The following SHISA9 variants were observed in gnomAD, a reference collection of about 807,000 sequenced individuals.
SHISA9 encodes shisa family member 9.
SHISA9 carries 13 observed loss-of-function variants against 38.0 expected under a neutral mutation model. That is an observed-to-expected ratio of 0.34 (90% CI 0.22 to 0.54). The LOEUF is 0.54. SHISA9 is among the 20% of genes least tolerant of loss of function. SHISA9 has a pLI of 0.91. For synonymous variants in SHISA9, 275 were observed against 242.0 expected (o/e 1.14, Z -1.27); for missense variants, 538 against 575.8 (o/e 0.93, Z 0.67).
intron 2 of SHISA9, among the ~76,000 whole-genome samples, chr16:13,043,688 C>T (rs961742425): frequency 6.6e-6 from 1 of 152,196 alleles, no homozygotes; most frequent in Non-Finnish European, 1.5e-5. Flanking sequence ...TGATCTGATG[C>T]TCAGTAGTCC....
At chr16:13,429,357 G>A in the SHISA9 span, among the ~76,000 whole-genome samples, 1 of 152,062 alleles carries the variant, frequency 6.6e-6, no homozygotes, top group Non-Finnish European at 1.5e-5. Context: ...GGGCTGTAAG[G>A]GAAAATGTAT....
chr16:13,196,356 C>A (rs1458575230), intron 2 of SHISA9, among the ~76,000 whole-genome samples: 15 of 146,614 alleles, frequency 1.0e-4, no homozygotes, highest in Non-Finnish European at 1.8e-4. Flanking sequence ...GAGATTGCAC[C>A]ACTGCACTCC....
chr16:13,033,052 C>A (rs2073010726), intron 2 of SHISA9, among the ~76,000 whole-genome samples: 1 of 152,128 alleles, frequency 6.6e-6, no homozygotes, highest in Admixed American at 6.5e-5. Context: ...CAGATGGTGG[C>A]CAGAATTTCC....
chr16:13,368,872 C>T, the SHISA9 span, among the ~76,000 whole-genome samples: 2 of 151,932 alleles, frequency 1.3e-5, no homozygotes, highest in African/African-American at 2.4e-5. Context: ...AGTAAGTATA[C>T]AGTGTATAAA....
intron 2 of SHISA9, among the ~76,000 whole-genome samples, chr16:12,992,212 A>G (rs905342403): frequency 6.6e-6 from 1 of 151,988 alleles, no homozygotes; most frequent in African/African-American, 2.4e-5. Context: ...AAGAAAACCA[A>G]GTCTCTCAGA....
chr16:13,405,991 C>A, the SHISA9 span, among the ~76,000 whole-genome samples: 1 of 147,402 alleles, frequency 6.8e-6, no homozygotes, highest in African/African-American at 2.5e-5. Flanking sequence ...ACAAGTGGAA[C>A]CTAATTAAAC....
chr16:13,224,921 T>C (rs577794665), intron 4 of SHISA9, among the ~76,000 whole-genome samples: 8 of 152,224 alleles, frequency 5.3e-5, no homozygotes, highest in Non-Finnish European at 1.2e-4. Flanking sequence ...AGGAATCTCA[T>C]GTATAGTGGA....
intron 2 of SHISA9, among the ~76,000 whole-genome samples, chr16:13,137,825 G>T (rs1209453146): frequency 6.6e-6 from 1 of 152,030 alleles, no homozygotes; most frequent in Non-Finnish European, 1.5e-5. Flanking sequence ...AACTATTCCT[G>T]GGCCCCAGTT....
intron 2 of SHISA9, among the ~76,000 whole-genome samples, chr16:13,145,526 T>TCAA (rs10680412): frequency 0.04 from 6,057 of 152,068 alleles, 212 homozygotes; most frequent in African/African-American, 0.096. Context: ...AAACACCATC[T>TCAA]CAACAACAAC....
chr16:13,123,188 G>A (rs1344053036), intron 2 of SHISA9, among the ~76,000 whole-genome samples: 1 of 151,890 alleles, frequency 6.6e-6, no homozygotes, highest in Admixed American at 6.6e-5. Flanking sequence ...GGATGTATGG[G>A]AGACAGAAAA....
chr16:12,970,019 G>C (rs1471680947), intron 2 of SHISA9, among the ~76,000 whole-genome samples: 1 of 151,874 alleles, frequency 6.6e-6, no homozygotes, highest in African/African-American at 2.4e-5. Flanking sequence ...GAGGCACACA[G>C]GGGCTTCATG....
the SHISA9 span, among the ~76,000 whole-genome samples, chr16:13,358,918 A>C: frequency 1.3e-5 from 2 of 152,236 alleles, no homozygotes; most frequent in African/African-American, 4.8e-5. Flanking sequence ...ACAGGAAAAG[A>C]CCTCAATACA....
chr16:13,384,457 A>C, the SHISA9 span, among the ~76,000 whole-genome samples: 12 of 152,246 alleles, frequency 7.9e-5, no homozygotes, highest in Non-Finnish European at 1.6e-4. Context: ...AATAAGTAGA[A>C]GTATTCAGCA....
At chr16:13,312,302 A>G in the SHISA9 span, among the ~76,000 whole-genome samples, 1 of 152,220 alleles carries the variant, frequency 6.6e-6, no homozygotes, top group Non-Finnish European at 1.5e-5. Context: ...GATGTGGCCC[A>G]TGGACAGTAG....
At chr16:13,074,554 C>A (rs1402882818) in intron 2 of SHISA9, among the ~76,000 whole-genome samples, 1 of 152,140 alleles carries the variant, frequency 6.6e-6, no homozygotes, top group Non-Finnish European at 1.5e-5. Flanking sequence ...TGGCCATACC[C>A]AGCCAAATGA....
At chr16:13,454,891 G>A in the SHISA9 span, among the ~76,000 whole-genome samples, 4 of 152,174 alleles carry the variant, frequency 2.6e-5, no homozygotes, top group African/African-American at 4.8e-5. Flanking sequence ...GGGAAGGGCA[G>A]TCTCATGGCC....
the SHISA9 span, among the ~76,000 whole-genome samples, chr16:13,499,265 C>T: frequency 2.0e-5 from 3 of 152,150 alleles, no homozygotes. Flanking sequence ...GTTATTTTAT[C>T]ACCACCCACC....
the SHISA9 span, among the ~76,000 whole-genome samples, chr16:13,262,106 G>T: frequency 6.6e-6 from 1 of 152,208 alleles, no homozygotes; most frequent in Non-Finnish European, 1.5e-5. Flanking sequence ...GGTTCAGACT[G>T]AGAGGAAACC....
At chr16:13,331,213 G>A in the SHISA9 span, among the ~76,000 whole-genome samples, 1 of 152,188 alleles carries the variant, frequency 6.6e-6, no homozygotes, top group Non-Finnish European at 1.5e-5. Context: ...AGGGCATGGG[G>A]ATAGAGAGTG....
Sources: allele counts gnomAD v4.1 joint callset (sites outside exome capture counted in the v4.1 genomes callset), GRCh38; gene constraint gnomAD v4.1.1; transcripts MANE v1.5; gene names NCBI Gene and HGNC (gene_info 2026-07-23, HGNC 2026-07-21).